Variants in FLRT2 observed in about 807,000 individuals in gnomAD.
FLRT2 encodes fibronectin leucine rich transmembrane protein 2, also known as leucine-rich repeat transmembrane protein FLRT2.
A neutral mutation model predicts 40.0 loss-of-function variants in FLRT2; 15 were observed. That is an observed-to-expected ratio of 0.38 (90% CI 0.25 to 0.58). The LOEUF (loss-of-function observed/expected upper bound fraction) is 0.58. Among genes scored for constraint, FLRT2 ranks in the 20% least tolerant of loss-of-function variants. FLRT2 has a pLI of 0.71. For synonymous variants in FLRT2, 380 were observed against 336.8 expected (o/e 1.13, Z -1.41); for missense variants, 726 against 840.0 (o/e 0.86, Z 1.68).
chr14:85,541,664 T>C (rs529657166), intron 1 of FLRT2, among the ~76,000 whole-genome samples: 1 of 152,312 alleles, frequency 6.6e-6, no homozygotes, highest in African/African-American at 2.4e-5. Flanking sequence ...TAGGTCCTTC[T>C]GTCTCCAAAA....
rs200532933 is a variant in FLRT2 at position 85,635,543 on chromosome 14, C to T, written c.*12046C>T. 2 of 151,834 alleles carry T rather than the reference C, an allele frequency of 1.3e-5. No homozygotes were observed. Among genetic ancestry groups the T allele is most frequent in the African/African-American group, 4.8e-5 (2 of 41,348 alleles). The allele number at this position is 151,834 out of a possible 1,614,324, so 9.4% of individuals were successfully genotyped here. A position where few individuals can be genotyped will look rare whatever the true frequency, so the allele number is the denominator to read the frequency against. Reference sequence around the variant, plus strand: ...TAAAATATTAAATATTTTATGTTTTCAAGCCATTATATAACAGCTATTAAA... The same window carrying T: ...TAAAATATTAAATATTTTATGTTTTTAAGCCATTATATAACAGCTATTAAA... On this transcript the variant is annotated 3_prime_UTR_variant, in exon 2 of 2. Transcript: ENST00000330753.
chr14:85,541,231 G>C (rs1263646277), intron 1 of FLRT2, among the ~76,000 whole-genome samples: 2 of 152,124 alleles, frequency 1.3e-5, no homozygotes, highest in African/African-American at 4.8e-5. Context: ...TATTCTTATG[G>C]AGGTTTCACC....
chr14:85,566,549 T>TTGTGTG lies in FLRT2; in HGVS notation c.-377+36038_-377+36043dup, dbSNP rs61634735. Among the ~76,000 whole-genome samples, 659 of 130,920 alleles carry TTGTGTG rather than the reference T, an allele frequency of 5.0e-3. 5 individuals are homozygous for TTGTGTG. The highest frequency in any genetic ancestry group is 0.012 in the East Asian group (53 of 4,454). The allele number at this position is 130,920 out of a possible 152,430, so 85.9% of individuals were successfully genotyped here. A position where few individuals can be genotyped will look rare whatever the true frequency, so the allele number is the denominator to read the frequency against. On this transcript the variant is annotated intron_variant, in intron 1 of 1. Coordinates refer to ENST00000330753, the MANE Select transcript of FLRT2 (RefSeq NM_013231.6). ...CACTCAGTCCTCTTAACTTCCATGGTTGTGTGTGTGTGTGTGTGTGTGTGT... is the reference window on the plus strand; with the variant it reads ...CACTCAGTCCTCTTAACTTCCATGGTTGTGTGTGTGTGTGTGTGTGTGTGTGTGTGT...
intron 1 of FLRT2, among the ~76,000 whole-genome samples, chr14:85,574,043 G>A (rs1399683933): frequency 1.3e-5 from 2 of 152,134 alleles, no homozygotes; most frequent in South Asian, 2.1e-4. Context: ...GGATCCACAG[G>A]GGAAGGTCCC....
chr14:85,575,225 C>A (rs1461266313), intron 1 of FLRT2, among the ~76,000 whole-genome samples: 1 of 152,152 alleles, frequency 6.6e-6, no homozygotes, highest in Non-Finnish European at 1.5e-5. Flanking sequence ...GGATCTGCTG[C>A]TTCTGGGTGC....
chr14:85,644,538 A>G lies in FLRT2; in HGVS notation c.*21041A>G, dbSNP rs565889281. The G allele has an allele frequency of 8.3e-4, 127 of 152,312 alleles. No homozygotes were observed. Among genetic ancestry groups the G allele is most frequent in the African/African-American group, 3.0e-3 (126 of 41,582 alleles). The allele number at this position is 152,312 out of a possible 1,614,324, so 9.4% of individuals were successfully genotyped here. A position where few individuals can be genotyped will look rare whatever the true frequency, so the allele number is the denominator to read the frequency against. ...GTAATTCACATGCATTCAAGAAGGT[A>G]GAAGAAAATTCTCACTAAAACTCAG... On this transcript the variant is annotated 3_prime_UTR_variant, in exon 2 of 2. Transcript: ENST00000330753.
chr14:85,559,744 C>G (rs571728728), intron 1 of FLRT2, among the ~76,000 whole-genome samples: 1 of 152,226 alleles, frequency 6.6e-6, no homozygotes, highest in Non-Finnish European at 1.5e-5. Context: ...AGTTTCCCTC[C>G]AATGATGTTC....
chr14:85,586,945 C>G (rs943561105), intron 1 of FLRT2, among the ~76,000 whole-genome samples: 2 of 152,124 alleles, frequency 1.3e-5, no homozygotes, highest in African/African-American at 4.8e-5. Context: ...TTTCATTGAG[C>G]TTAGGTGGAG....
chr14:85,555,906 G>C (rs1566725310), intron 1 of FLRT2, among the ~76,000 whole-genome samples: 1 of 152,068 alleles, frequency 6.6e-6, no homozygotes, highest in East Asian at 1.9e-4. Context: ...AAAATTGGAA[G>C]AAAGCCAACT....
At chr14:85,609,955 A>G (rs1892787279) in intron 1 of FLRT2, among the ~76,000 whole-genome samples, 1 of 152,190 alleles carries the variant, frequency 6.6e-6, no homozygotes, top group African/African-American at 2.4e-5. Context: ...CACACATAGA[A>G]TAATTTATAG....
chr14:85,573,116 A>G (rs1207363887), intron 1 of FLRT2, among the ~76,000 whole-genome samples: 2 of 152,280 alleles, frequency 1.3e-5, no homozygotes, highest in East Asian at 3.9e-4. Context: ...AGATTTGTCT[A>G]TCATATCCTC....
Position 85,653,040 on chromosome 14 carries a change from T to C in FLRT2, c.*29543T>C, listed in dbSNP as rs1159015283. The C allele has an allele frequency of 6.6e-6, 1 of 152,136 alleles. No homozygotes were observed. Among genetic ancestry groups the C allele is most frequent in the Non-Finnish European group, 1.5e-5 (1 of 68,028 alleles). The allele number at this position is 152,136 out of a possible 1,614,324, so 9.4% of individuals were successfully genotyped here. On this transcript the variant is annotated 3_prime_UTR_variant, in exon 2 of 2. Transcript: ENST00000330753. ...TAAGGTTTTAACTCAAGGCAGCTGA[T>C]ATGCAATGGCTGGGATAATGGCCAT... is the stretch of plus-strand genomic sequence containing the variant.
Position 85,639,234 on chromosome 14 carries a change from G to C in FLRT2, c.*15737G>C, listed in dbSNP as rs1326785315. 6.6e-6 allele frequency: 1 copy of C among 152,182 alleles called. No individual in the cohort carries two copies. Among genetic ancestry groups the C allele is most frequent in the Non-Finnish European group, 1.5e-5 (1 of 68,048 alleles). The allele number at this position is 152,182 out of a possible 1,614,324, so 9.4% of individuals were successfully genotyped here. ...GATGACTCTCATTCACTGTTGCCCTGTTTCCTTTTCCTTGACAAATTCAGT... is the reference window on the plus strand; with the variant it reads ...GATGACTCTCATTCACTGTTGCCCTCTTTCCTTTTCCTTGACAAATTCAGT... On this transcript the variant is annotated 3_prime_UTR_variant, in exon 2 of 2. Transcript: ENST00000330753.
At chr14:85,535,892 G>GTTTTTTTTTTTT (rs71454768) in intron 1 of FLRT2, among the ~76,000 whole-genome samples, 3 of 57,880 alleles carry the variant, frequency 5.2e-5, no homozygotes, top group Non-Finnish European at 3.4e-5. Flanking sequence ...AAGGAATGCT[G>GTTTTTTTTTTTT]TTTTTTTTTT....
At chr14:85,532,016 G>A (rs913257254) in intron 1 of FLRT2, among the ~76,000 whole-genome samples, 17 of 152,230 alleles carry the variant, frequency 1.1e-4, no homozygotes, top group Non-Finnish European at 2.1e-4. Context: ...CGTGAAAGCG[G>A]TAGACACAAC....
intron 1 of FLRT2, among the ~76,000 whole-genome samples, chr14:85,573,093 T>C (rs1212345386): frequency 6.6e-6 from 1 of 152,190 alleles, no homozygotes; most frequent in Non-Finnish European, 1.5e-5. Context: ...TTGAAACTCA[T>C]AGTCAGCAAC....
chr14:85,613,463 G>A lies in FLRT2; in HGVS notation c.-376-7676G>A, dbSNP rs1328878279. On this transcript the variant is annotated intron_variant, in intron 1 of 1. Transcript: ENST00000330753. Reference sequence around the variant, plus strand: ...TATGCCCAGGGACTATTCATCCATCGCTCTATCTATCCCTCAATCTTTCCA... The same window carrying A: ...TATGCCCAGGGACTATTCATCCATCACTCTATCTATCCCTCAATCTTTCCA... Among the ~76,000 whole-genome samples, 8 of 152,060 alleles carry A rather than the reference G, an allele frequency of 5.3e-5. No individual in the cohort carries two copies. The East Asian group carries it at 1.2e-3, about 22-fold the overall frequency.
Position 85,623,378 on chromosome 14 carries a change from T to C in FLRT2, c.1864T>C (p.Phe622Leu). Residue 622 changes from phenylalanine (F) to leucine (L), a missense_variant, in exon 2 of 2, where the codon TTC becomes CTC. Physicochemically the swap from Phe to Leu is conservative, Grantham distance 22. Transcript: ENST00000330753. ...LNNDQLLKGD[F>L]RLQPIYTPNG... is the part of the protein sequence containing the mutation. ...TAACGATCAACTCCTTAAAGGAGAT[T>C]TCAGACTGCAGCCCATTTACACCCC... is the stretch of plus-strand genomic sequence containing the variant. 6.6e-7 allele frequency: 1 copy of C among 1,519,746 alleles called. No individual in the cohort carries two copies. The highest frequency in any genetic ancestry group is 8.8e-7 in the Non-Finnish European group (1 of 1,136,642). 94.1% of individuals were successfully genotyped at this position (1,519,746 alleles called of 1,614,324 possible). A position where few individuals can be genotyped will look rare whatever the true frequency, so the allele number is the denominator to read the frequency against.
At chr14:85,610,991 G>C (rs1892831720) in intron 1 of FLRT2, among the ~76,000 whole-genome samples, 1 of 152,126 alleles carries the variant, frequency 6.6e-6, no homozygotes. Context: ...TGCCTACTGG[G>C]TTCAAGTGAA....
Sources: allele counts gnomAD v4.1 joint callset (sites outside exome capture counted in the v4.1 genomes callset), GRCh38; gene constraint gnomAD v4.1.1; transcripts MANE v1.5; gene names NCBI Gene and HGNC (gene_info 2026-07-23, HGNC 2026-07-21).